The following CDC42EP5 variants were observed in gnomAD, a reference collection of about 807,000 sequenced individuals.
CDC42EP5 encodes the protein CDC42 effector protein 5, also known as CDC42 effector protein (Rho GTPase binding) 5.
For missense variants in CDC42EP5, 269 were observed against 238.0 expected (o/e 1.13, Z -0.86); for synonymous variants, 118 against 123.3 (o/e 0.96, Z 0.28).
chr19:54,465,072 G>A lies in CDC42EP5; in HGVS notation c.*29C>T. 7.7e-7 allele frequency: 1 copy of A among 1,303,754 alleles called. No individual in the cohort carries two copies. Among genetic ancestry groups the A allele is most frequent in the Non-Finnish European group, 9.8e-7 (1 of 1,024,494 alleles). The allele number at this position is 1,303,754 out of a possible 1,614,324, so 80.8% of individuals were successfully genotyped here. A position where few individuals can be genotyped will look rare whatever the true frequency, so the allele number is the denominator to read the frequency against. On this transcript the variant is annotated 3_prime_UTR_variant, in exon 3 of 3. Transcript: ENST00000301200. ...TTATGTATACAGAAGTGGGGTGCCG[G>A]GCGGGAAGGGCGCGGGGAATGAGGG...
chr19:54,469,851 C>T (rs867194869), intron 2 of CDC42EP5, among the ~76,000 whole-genome samples: 8 of 152,168 alleles, frequency 5.3e-5, no homozygotes, highest in Non-Finnish European at 5.9e-5. Flanking sequence ...CAGCTCTCAG[C>T]CCCTGCCTCT....
chr19:54,465,370 G>T lies in CDC42EP5; in HGVS notation c.178C>A (p.Pro60Thr). ...GGGGCCCCCGCGGGGGGCGCCCGGG[G>T]CTCGGGGGGCGGCCCGCCGCCGTGG... The part of the protein sequence containing the change: ...SRHGGGPPPE[P>T]RAPPAGAPRS... The change falls in exon 3 of 3, where the codon CCC (proline) becomes ACC (threonine). Residue 60 changes from proline to threonine, a missense_variant. Coordinates refer to ENST00000301200, the MANE Select transcript of CDC42EP5 (RefSeq NM_145057.4). 3 of 1,162,834 alleles carry T rather than the reference G, an allele frequency of 2.6e-6. No individual in the cohort carries two copies. Among genetic ancestry groups the T allele is most frequent in the Middle Eastern group, 3.6e-4 (1 of 2,816 alleles). The allele number at this position is 1,162,834 out of a possible 1,614,324, so 72.0% of individuals were successfully genotyped here.
At position 54,471,684 on chromosome 19, in the gene CDC42EP5, A is replaced by C. The variant is rs1340633963; in HGVS notation, c.-140T>G. 5 of 152,332 alleles carry C rather than the reference A, an allele frequency of 3.3e-5. No homozygotes were observed. In the East Asian group the frequency reaches 9.7e-4, roughly 29 times the overall value. The allele number at this position is 152,332 out of a possible 1,614,324, so 9.4% of individuals were successfully genotyped here. On this transcript the variant is annotated splice_region_variant and 5_prime_UTR_variant, in exon 2 of 3. Coordinates refer to ENST00000301200, the MANE Select transcript of CDC42EP5 (RefSeq NM_145057.4). ...TCCTTCTTCCTCCGGGCGGGTTCTC[A>C]CCTGGTAAGGAAAGTGTCATGTGGA...
chr19:54,471,261 G>C (rs762621242), intron 2 of CDC42EP5, among the ~76,000 whole-genome samples: 51 of 152,170 alleles, frequency 3.4e-4, no homozygotes, highest in Non-Finnish European at 4.6e-4. Flanking sequence ...CAGGGCCACG[G>C]CTCCAGCTGC....
intron 2 of CDC42EP5, among the ~76,000 whole-genome samples, chr19:54,467,227 T>C (rs1355000278): frequency 6.6e-6 from 1 of 150,414 alleles, no homozygotes; most frequent in Non-Finnish European, 1.5e-5. Context: ...AGCGGGTGGA[T>C]CACCTGAGGT....
At chr19:54,469,071 T>C (rs1386093370) in intron 2 of CDC42EP5, among the ~76,000 whole-genome samples, 1 of 151,868 alleles carries the variant, frequency 6.6e-6, no homozygotes, top group South Asian at 2.1e-4. Flanking sequence ...CTCGGCTCAC[T>C]GCAACCTCCG....
chr19:54,467,452 CA>C (rs949104062), intron 2 of CDC42EP5, among the ~76,000 whole-genome samples: 7 of 127,780 alleles, frequency 5.5e-5, no homozygotes, highest in East Asian at 2.3e-4. Context: ...GACTCTGTCT[CA>C]AAAAAAAAAT....
chr19:54,466,933 C>CTTT (rs57592448), intron 2 of CDC42EP5, among the ~76,000 whole-genome samples: 35,940 of 130,692 alleles, frequency 0.27, 5,646 homozygotes, highest in East Asian at 0.61. Context: ...TGTACCTGAT[C>CTTT]TTTTTTTTTT....
At chr19:54,469,926 C>T (rs1229571765) in intron 2 of CDC42EP5, among the ~76,000 whole-genome samples, 1 of 151,884 alleles carries the variant, frequency 6.6e-6, no homozygotes, top group Non-Finnish European at 1.5e-5. Context: ...GTTGCCACCA[C>T]TTTTCAGCAC....
chr19:54,472,873 C>A lies in CDC42EP5; in HGVS notation c.-142+191G>T, dbSNP rs34887254. 1.0e-3 allele frequency among the ~76,000 whole-genome samples: 22 copies of A among 21,036 alleles called. 5 individuals carry two copies. Among genetic ancestry groups the A allele is most frequent in the Non-Finnish European group, 2.1e-3 (20 of 9,690 alleles). 13.8% of individuals were successfully genotyped at this position (21,036 alleles called of 152,430 possible). A position where few individuals can be genotyped will look rare whatever the true frequency, so the allele number is the denominator to read the frequency against. On this transcript the variant is annotated intron_variant, in intron 1 of 2. Coordinates refer to ENST00000301200, the MANE Select transcript of CDC42EP5 (RefSeq NM_145057.4). ...CCCCTCCTCCCTCAGACCAGGAGTC[C>A]AGGCCCCCAGCCCCTCCTCCCTCAG...
chr19:54,465,318 G>A lies in CDC42EP5; in HGVS notation c.230C>T (p.Pro77Leu), dbSNP rs745808060. Residue 77 changes from proline to leucine, a missense_variant, in exon 3 of 3, where the codon CCG becomes CTG. Pro to Leu is a moderately conservative substitution (Grantham distance 98). Transcript: ENST00000301200. ...GGCAGGCGAGGGCGCTGCGGACTGCGGGACGGCGGGCGGCGGCGGGGAGCG... is the reference window on the plus strand; with the variant it reads ...GGCAGGCGAGGGCGCTGCGGACTGCAGGACGGCGGGCGGCGGCGGGGAGCG... ...APRSPPPPAVPQSAAPSPADP... is the reference protein window; with the variant it reads ...APRSPPPPAVLQSAAPSPADP... 4.5e-4 allele frequency: 537 copies of A among 1,205,142 alleles called. 7 individuals are homozygous for A. The East Asian group carries it at 0.018, about 40-fold the overall frequency. The allele number at this position is 1,205,142 out of a possible 1,614,324, so 74.7% of individuals were successfully genotyped here.
chr19:54,468,007 G>A (rs566950968), intron 2 of CDC42EP5, among the ~76,000 whole-genome samples: 76 of 152,278 alleles, frequency 5.0e-4, no homozygotes, highest in African/African-American at 1.7e-3. Flanking sequence ...TGTATGAACT[G>A]CAATAAATTA....
chr19:54,466,308 T>C (rs900960748), intron 2 of CDC42EP5, among the ~76,000 whole-genome samples: 1 of 152,094 alleles, frequency 6.6e-6, no homozygotes, highest in South Asian at 2.1e-4. Context: ...CGGGGCATGG[T>C]GGCGCATGCC....
chr19:54,468,931 C>CTTTCTTTCTTTCT (rs1556000146), intron 2 of CDC42EP5, among the ~76,000 whole-genome samples: 23 of 145,972 alleles, frequency 1.6e-4, no homozygotes, highest in African/African-American at 4.1e-4. Context: ...TTCTTTCTTT[C>CTTTCTTTCTTTCT]TTTTCTTCCC....
intron 2 of CDC42EP5, among the ~76,000 whole-genome samples, chr19:54,465,835 A>G (rs140440467): frequency 0.061 from 9,274 of 151,942 alleles, 506 homozygotes; most frequent in African/African-American, 0.15. Context: ...GGGTTTCACA[A>G]TGTTGGCCAG....
Position 54,465,333 on chromosome 19 carries a change from G to T in CDC42EP5, c.215C>A (p.Pro72Gln). The part of the protein sequence containing the change: ...APPAGAPRSP[P>Q]PPAVPQSAAP... ...TGCGGACTGCGGGACGGCGGGCGGC[G>T]GCGGGGAGCGCGGGGCCCCCGCGGG... The change falls in exon 3 of 3, where the codon CCG becomes CAG. Residue 72 changes from proline to glutamine, a missense_variant. Physicochemically the swap from Pro to Gln is moderately conservative, Grantham distance 76. Coordinates refer to ENST00000301200, the MANE Select transcript of CDC42EP5 (RefSeq NM_145057.4). 1 of 1,179,930 alleles carries T rather than the reference G, an allele frequency of 8.5e-7. No homozygotes were observed. The highest frequency in any genetic ancestry group is 1.0e-6 in the Non-Finnish European group (1 of 954,928). The allele number at this position is 1,179,930 out of a possible 1,614,324, so 73.1% of individuals were successfully genotyped here. A position where few individuals can be genotyped will look rare whatever the true frequency, so the allele number is the denominator to read the frequency against.
chr19:54,467,715 G>T (rs550429521), intron 2 of CDC42EP5, among the ~76,000 whole-genome samples: 88 of 152,130 alleles, frequency 5.8e-4, no homozygotes, highest in African/African-American at 2.0e-3. Flanking sequence ...TAGAGATGAG[G>T]TTTCACTATG....
intron 1 of CDC42EP5, among the ~76,000 whole-genome samples, chr19:54,472,606 C>T (rs1600058715): frequency 5.6e-5 from 1 of 17,800 alleles, no homozygotes. Context: ...TCCCTCAGAC[C>T]CAGGAGTCCA....
At position 54,468,931 on chromosome 19, in the gene CDC42EP5, C is replaced by CTTTCTTTCTTTCTTTCT. The variant is rs1556000146; in HGVS notation, c.-1+2613_-1+2614insAGAAAGAAAGAAAGAAA. On this transcript the variant is annotated intron_variant, in intron 2 of 2. Transcript: ENST00000301200. ...TCCTTCCTTCCTTCCTTCTTTCTTTCTTTTCTTCCCTCCCTCCCTCCTTCC... is the reference window on the plus strand; with the variant it reads ...TCCTTCCTTCCTTCCTTCTTTCTTTCTTTCTTTCTTTCTTTCTTTTTCTTCCCTCCCTCCCTCCTTCC... Among the ~76,000 whole-genome samples the CTTTCTTTCTTTCTTTCT allele has an allele frequency of 1.4e-4, 21 of 145,854 alleles. 1 individual carries two copies. Among genetic ancestry groups the CTTTCTTTCTTTCTTTCT allele is most frequent in the Admixed American group, 1.4e-4 (2 of 14,700 alleles).
Sources: gnomAD v4.1 joint callset for allele counts (sites outside exome capture counted in the v4.1 genomes callset) on GRCh38, gnomAD v4.1.1 for gene constraint, MANE v1.5 for transcripts, NCBI Gene and HGNC (gene_info 2026-07-23, HGNC 2026-07-21) for gene names.